The following TTC23L variants were observed in gnomAD, a reference collection of about 807,000 sequenced individuals.
TTC23L encodes the protein tetratricopeptide repeat protein 23-like.
A neutral mutation model predicts 48.1 loss-of-function variants in TTC23L; 42 were observed. The ratio of observed to expected loss-of-function variants is 0.87; its 90% CI spans 0.68 to 1.13. TTC23L has a LOEUF of 1.13. Among genes scored for constraint, TTC23L ranks in the 50% most tolerant of loss-of-function variants. The probability of loss-of-function intolerance (pLI) is 0.00; values close to 1 mark genes in which losing one functional copy is unlikely to be tolerated. For synonymous variants in TTC23L, 159 were observed against 157.2 expected, an observed-to-expected ratio of 1.01 and a Z score of -0.09; for missense variants, 391 against 421.0, an observed-to-expected ratio of 0.93 and a Z score of 0.62.
chr5:34,915,317 A>G, the TTC23L span: 10 of 258,242 alleles, frequency 3.9e-5, no homozygotes, highest in Non-Finnish European at 6.7e-5. Context: ...CGGAGTGTCC[A>G]GATAATCCTC....
chr5:34,851,198 C>A (rs928317020), intron 4 of TTC23L, among the ~76,000 whole-genome samples: 1 of 152,132 alleles, frequency 6.6e-6, no homozygotes, highest in Non-Finnish European at 1.5e-5. Flanking sequence ...TGTTCAAGTA[C>A]CTCTGGGACC....
the TTC23L span, chr5:34,907,095 T>C: frequency 3.3e-5 from 5 of 152,232 alleles, no homozygotes; most frequent in East Asian, 1.9e-4. Flanking sequence ...GAATTGTCCA[T>C]ATGCCTGGGA....
At chr5:34,895,525 T>G (rs1763161250) in intron 9 of TTC23L, among the ~76,000 whole-genome samples, 1 of 152,242 alleles carries the variant, frequency 6.6e-6, no homozygotes. Flanking sequence ...AAAGTTATTT[T>G]GATATACCTT....
chr5:34,918,140 C>CAAA, the TTC23L span: 880 of 103,002 alleles, frequency 8.5e-3, no homozygotes, highest in South Asian at 0.015. Context: ...CCCATCTCTA[C>CAAA]AAAAAAAAAA....
At chr5:34,873,044 C>T (rs1761578051) in intron 8 of TTC23L, among the ~76,000 whole-genome samples, 1 of 148,170 alleles carries the variant, frequency 6.7e-6, no homozygotes, top group Admixed American at 6.8e-5. Context: ...GCTTGGGTGA[C>T]AGAGGGAGAC....
intron 3 of TTC23L, among the ~76,000 whole-genome samples, chr5:34,849,481 A>G (rs1759487098): frequency 6.6e-6 from 1 of 152,230 alleles, no homozygotes; most frequent in Admixed American, 6.5e-5. Context: ...GCTTTTTCAA[A>G]TAATTCGTAA....
chr5:34,870,094 T>C (rs1761350024), intron 8 of TTC23L, among the ~76,000 whole-genome samples: 1 of 151,966 alleles, frequency 6.6e-6, no homozygotes, highest in African/African-American at 2.4e-5. Flanking sequence ...TTTATAGAGT[T>C]GAGAGATTTC....
intron 8 of TTC23L, among the ~76,000 whole-genome samples, chr5:34,878,495 T>A (rs1342087534): frequency 6.6e-6 from 1 of 152,238 alleles, no homozygotes; most frequent in African/African-American, 2.4e-5. Context: ...CAAGTTATTT[T>A]TTGGATATTA....
the TTC23L span, chr5:34,925,405 G>A: frequency 6.2e-7 from 1 of 1,613,758 alleles, no homozygotes; most frequent in African/African-American, 1.3e-5. Context: ...TAAAACCAGA[G>A]CCAAAAGTTG....
chr5:34,889,834 TTTTG>T (rs1322268282), intron 9 of TTC23L, among the ~76,000 whole-genome samples: 31 of 150,036 alleles, frequency 2.1e-4, no homozygotes, highest in Admixed American at 4.6e-4. Flanking sequence ...TGGGGTTTTT[TTTTG>T]TTTTTGTTTT....
chr5:34,915,754 A>C, the TTC23L span: 5 of 1,603,728 alleles, frequency 3.1e-6, no homozygotes, highest in Non-Finnish European at 3.4e-6. Context: ...GGCAACCAAG[A>C]GGAAACGGCG....
chr5:34,924,082 G>C, the TTC23L span, among the ~76,000 whole-genome samples: 1 of 152,308 alleles, frequency 6.6e-6, no homozygotes, highest in African/African-American at 2.4e-5. Flanking sequence ...AAATGTAATT[G>C]CTCTAGAAGG....
intron 8 of TTC23L, among the ~76,000 whole-genome samples, chr5:34,875,367 T>A (rs554890792): frequency 2.6e-5 from 4 of 152,158 alleles, no homozygotes; most frequent in Non-Finnish European, 5.9e-5. Flanking sequence ...ACTCACAGGA[T>A]CACAAAGTCC....
the TTC23L span, chr5:34,906,812 CA>C: frequency 6.6e-6 from 1 of 151,968 alleles, no homozygotes; most frequent in African/African-American, 2.4e-5. Flanking sequence ...ACACTAGTAA[CA>C]AAAGACAAAA....
downstream of TTC23L, among the ~76,000 whole-genome samples, chr5:34,899,744 T>G (rs1763445445): frequency 6.6e-6 from 1 of 152,008 alleles, no homozygotes; most frequent in Non-Finnish European, 1.5e-5. Flanking sequence ...CAAAAAAAAT[T>G]AGCTGGGCGT....
chr5:34,851,220 G>T (rs1238818461), intron 4 of TTC23L, among the ~76,000 whole-genome samples: 3 of 152,134 alleles, frequency 2.0e-5, no homozygotes, highest in African/African-American at 7.2e-5. Context: ...CAGTCTGAAG[G>T]GGGGCCTAAC....
At chr5:34,896,558 T>G (rs1485607001) in intron 9 of TTC23L, among the ~76,000 whole-genome samples, 6 of 152,218 alleles carry the variant, frequency 3.9e-5, no homozygotes, top group African/African-American at 1.4e-4. Context: ...AAGTGCCAGG[T>G]GCAGTTAGAG....
chr5:34,889,695 G>A (rs1762736619), intron 9 of TTC23L, among the ~76,000 whole-genome samples: 1 of 152,168 alleles, frequency 6.6e-6, no homozygotes, highest in African/African-American at 2.4e-5. Context: ...TGGTGTATAT[G>A]AAAGCATGTT....
Position 34,857,432 on chromosome 5 carries a change from T to A in TTC23L, c.380-5466T>A, listed in dbSNP as rs530587968. Among the ~76,000 whole-genome samples the A allele has an allele frequency of 2.0e-5, 3 of 152,276 alleles. No individual in the cohort carries two copies. In the South Asian group the frequency reaches 6.2e-4, roughly 32 times the overall value. On this transcript the variant is annotated intron_variant, in intron 4 of 10. Transcript: ENST00000505624. ...CCTAAGTCATGCTTTCTTTGTCTAG[T>A]TGGTTAAAACAAAGACACAAAAACT...
Sources: allele counts gnomAD v4.1 joint callset (sites outside exome capture counted in the v4.1 genomes callset), GRCh38; gene constraint gnomAD v4.1.1; transcripts MANE v1.5; gene names NCBI Gene and HGNC (gene_info 2026-07-23, HGNC 2026-07-21).